Variants in ZPBP observed in about 807,000 individuals in gnomAD.
ZPBP encodes zona pellucida binding protein.
Under a neutral mutation model 44.8 loss-of-function variants are expected in ZPBP, and 26 were observed. The observed-to-expected ratio is 0.58, with a 90% CI of 0.43 to 0.81. The LOEUF (loss-of-function observed/expected upper bound fraction) is 0.81, where lower values mean the gene tolerates loss of function less well. Among genes scored for constraint, ZPBP ranks in the 30% least tolerant of loss-of-function variants. The pLI is 0.00. For synonymous variants in ZPBP, 174 were observed against 153.2 expected (o/e 1.14, Z -1.00); for missense variants, 409 against 434.0 (o/e 0.94, Z 0.51).
chr7:50,078,007 T>C (rs1408989688), intron 3 of ZPBP, among the ~76,000 whole-genome samples: 4 of 151,720 alleles, frequency 2.6e-5, no homozygotes, highest in East Asian at 1.9e-4. Context: ...CATCAGCAGA[T>C]GAATGGATAA....
At chr7:50,071,843 C>A (rs1014756830) in intron 3 of ZPBP, among the ~76,000 whole-genome samples, 6 of 152,136 alleles carry the variant, frequency 3.9e-5, no homozygotes, top group Non-Finnish European at 2.9e-5. Flanking sequence ...CTGAAGAGCC[C>A]TTGGGCCCTG....
chr7:49,970,085 T>C (rs2128769446), intron 7 of ZPBP, among the ~76,000 whole-genome samples: 1 of 152,272 alleles, frequency 6.6e-6, no homozygotes, highest in South Asian at 2.1e-4. Context: ...GATCTCGAAC[T>C]CCCGACCTCA....
intron 2 of ZPBP, among the ~76,000 whole-genome samples, chr7:49,884,340 C>T (rs1239041010): frequency 6.6e-6 from 1 of 152,170 alleles, no homozygotes; most frequent in African/African-American, 2.4e-5. Context: ...TTGAGTATTG[C>T]CAGGGAAGAA....
chr7:50,091,708 AAAT>A (rs1232388534), intron 1 of ZPBP, among the ~76,000 whole-genome samples: 4 of 152,218 alleles, frequency 2.6e-5, no homozygotes, highest in South Asian at 2.1e-4. Context: ...TGTAAATATT[AAAT>A]AATAATTGTG....
intron 2 of ZPBP, among the ~76,000 whole-genome samples, chr7:49,875,473 A>C (rs1377576540): frequency 6.6e-6 from 1 of 151,340 alleles, no homozygotes; most frequent in Admixed American, 6.6e-5. Context: ...GTTCACTCAC[A>C]ATGTGGAGTC....
At chr7:49,980,618 C>A (rs1029716523) in intron 7 of ZPBP, among the ~76,000 whole-genome samples, 1 of 151,832 alleles carries the variant, frequency 6.6e-6, no homozygotes, top group Admixed American at 6.6e-5. Context: ...AGAGAGGAAG[C>A]CAGAGAGGGG....
chr7:50,001,304 C>T (rs73334194), intron 6 of ZPBP, among the ~76,000 whole-genome samples: 2,441 of 152,230 alleles, frequency 0.016, 67 homozygotes, highest in African/African-American at 0.055. Context: ...ATGAGTTGTA[C>T]GGTATTTGCT....
At chr7:49,874,010 G>A (rs1245645012) in intron 2 of ZPBP, among the ~76,000 whole-genome samples, 1 of 152,040 alleles carries the variant, frequency 6.6e-6, no homozygotes, top group East Asian at 1.9e-4. Context: ...TGGAGTGTGT[G>A]TGTGTGTGTT....
At chr7:50,011,969 T>A (rs1798604501) in intron 6 of ZPBP, among the ~76,000 whole-genome samples, 2 of 149,842 alleles carry the variant, frequency 1.3e-5, no homozygotes, top group Admixed American at 1.3e-4. Context: ...AGGCAGAAGT[T>A]GCAGTGAGCC....
At chr7:49,865,267 A>G (rs1234946483) in intron 2 of ZPBP, among the ~76,000 whole-genome samples, 2 of 152,176 alleles carry the variant, frequency 1.3e-5, no homozygotes, top group African/African-American at 4.8e-5. Flanking sequence ...GAAAGAGTTG[A>G]TCTCTGAAAT....
At chr7:49,851,940 C>A (rs144638168) in intron 2 of ZPBP, among the ~76,000 whole-genome samples, 1 of 152,170 alleles carries the variant, frequency 6.6e-6, no homozygotes, top group South Asian at 2.1e-4. Flanking sequence ...GTTCAGTGGG[C>A]TCTTTCCCAC....
chr7:49,907,879 G>T (rs1400146321), intron 1 of ZPBP, among the ~76,000 whole-genome samples: 1 of 152,118 alleles, frequency 6.6e-6, no homozygotes, highest in Non-Finnish European at 1.5e-5. Context: ...CCATAGTTTT[G>T]TCATGCAGAT....
At chr7:49,929,114 A>C (rs1794359088) in intron 1 of ZPBP, among the ~76,000 whole-genome samples, 1 of 152,332 alleles carries the variant, frequency 6.6e-6, no homozygotes, top group Middle Eastern at 3.4e-3. Flanking sequence ...CAGTGACTTA[A>C]GAAATGAGCA....
chr7:50,022,954 A>T (rs1799161920), intron 5 of ZPBP, among the ~76,000 whole-genome samples: 1 of 152,062 alleles, frequency 6.6e-6, no homozygotes, highest in African/African-American at 2.4e-5. Context: ...CCTGAGCTTT[A>T]TGTCTAGGAA....
intron 7 of ZPBP, among the ~76,000 whole-genome samples, chr7:49,955,622 C>T (rs1795559692): frequency 6.6e-6 from 1 of 151,664 alleles, no homozygotes; most frequent in Non-Finnish European, 1.5e-5. Context: ...CTTCAGAAAC[C>T]ATTAAAGGTA....
chr7:49,901,981 C>T (rs371966340), intron 1 of ZPBP, among the ~76,000 whole-genome samples: 20 of 146,494 alleles, frequency 1.4e-4, no homozygotes, highest in East Asian at 1.2e-3. Context: ...ACTGAGCATC[C>T]ACATGTGAAA....
chr7:50,014,442 T>C (rs1173187722), intron 6 of ZPBP, among the ~76,000 whole-genome samples: 1 of 151,282 alleles, frequency 6.6e-6, no homozygotes, highest in Non-Finnish European at 1.5e-5. Flanking sequence ...TTATTTATCA[T>C]TTTTTATTTA....
chr7:50,022,257 C>T (rs925949490), intron 5 of ZPBP, among the ~76,000 whole-genome samples: 7 of 151,792 alleles, frequency 4.6e-5, no homozygotes, highest in Admixed American at 2.0e-4. Context: ...ATAAATATAA[C>T]AGTCAGTATT....
chr7:49,972,771 C>T (rs1004165033), intron 7 of ZPBP, among the ~76,000 whole-genome samples: 2 of 151,828 alleles, frequency 1.3e-5, no homozygotes, highest in Non-Finnish European at 2.9e-5. Flanking sequence ...ACAAATAGAA[C>T]AATCTTAGAA....
Sources: gnomAD v4.1 joint callset for allele counts (sites outside exome capture counted in the v4.1 genomes callset) on GRCh38, gnomAD v4.1.1 for gene constraint, MANE v1.5 for transcripts, NCBI Gene and HGNC (gene_info 2026-07-23, HGNC 2026-07-21) for gene names.